The following MANBA variants were observed in gnomAD, a reference collection of about 807,000 sequenced individuals.
MANBA encodes the protein mannosidase beta.
MANBA carries 83 observed loss-of-function variants against 111.1 expected under a neutral mutation model. The observed-to-expected ratio is 0.75, with a 90% CI of 0.63 to 0.90. The LOEUF is 0.90. Among genes scored for constraint, MANBA ranks in the 40% least tolerant of loss-of-function variants. The probability of loss-of-function intolerance (pLI) is 0.00; values close to 1 mark genes in which losing one functional copy is unlikely to be tolerated. For synonymous variants in MANBA, 370 were observed against 378.7 expected, an observed-to-expected ratio of 0.98 and a Z score of 0.27; for missense variants, 1,036 against 1,069.0, an observed-to-expected ratio of 0.97 and a Z score of 0.43.
Position 102,734,922 on chromosome 4 carries a change from T to C in MANBA, c.178-8239A>G, listed in dbSNP as rs113050176. Among the ~76,000 whole-genome samples the C allele has an allele frequency of 1.0e-3, 158 of 152,352 alleles. 2 individuals are homozygous for C. Among genetic ancestry groups the C allele is most frequent in the African/African-American group, 3.5e-3 (145 of 41,586 alleles). ...AGAGTCACATTTTCTTACTTAGTCATGTGTCCAGCCTTGAGTCACCCCCTC... is the reference window on the plus strand; with the variant it reads ...AGAGTCACATTTTCTTACTTAGTCACGTGTCCAGCCTTGAGTCACCCCCTC... On this transcript the variant is annotated intron_variant, in intron 1 of 16. Transcript: ENST00000647097.
chr4:102,669,464 A>G (rs1424746017), intron 9 of MANBA, among the ~76,000 whole-genome samples: 1 of 152,242 alleles, frequency 6.6e-6, no homozygotes, highest in Non-Finnish European at 1.5e-5. Flanking sequence ...TTAGCTTTTC[A>G]TAGACAAAAG....
At chr4:102,751,548 C>A in intron 1 of MANBA, 1 of 534,150 alleles carries the variant, frequency 1.9e-6, no homozygotes, top group South Asian at 1.4e-5. Context: ...GTTCCACAAA[C>A]ATATGGAGTT....
intron 10 of MANBA, chr4:102,665,161 C>CT: frequency 3.6e-6 from 1 of 280,014 alleles, no homozygotes; most frequent in Admixed American, 5.0e-5. Flanking sequence ...ACTCTTCACT[C>CT]TGTGGATTGC....
chr4:102,752,350 T>C (rs1578961739), intron 1 of MANBA: 2 of 1,364,854 alleles, frequency 1.5e-6, no homozygotes, highest in East Asian at 2.3e-5. Context: ...TACCAGACTG[T>C]GGGATCCCCG....
intron 9 of MANBA, among the ~76,000 whole-genome samples, chr4:102,669,581 C>T (rs1346345016): frequency 2.0e-5 from 3 of 152,230 alleles, no homozygotes; most frequent in East Asian, 1.9e-4. Flanking sequence ...CAGTGGCTCA[C>T]GCCTGTAATC....
chr4:102,692,591 A>G (rs938546695), intron 5 of MANBA, among the ~76,000 whole-genome samples: 1 of 152,172 alleles, frequency 6.6e-6, no homozygotes, highest in African/African-American at 2.4e-5. Context: ...ACTGGTCATG[A>G]GATCTCAAAA....
At chr4:102,676,449 T>A (rs1038292532) in intron 7 of MANBA, among the ~76,000 whole-genome samples, 1 of 152,058 alleles carries the variant, frequency 6.6e-6, no homozygotes, top group Non-Finnish European at 1.5e-5. Flanking sequence ...GAGACAGTTG[T>A]ACTGTTGACA....
chr4:102,679,189 G>A (rs536719907), intron 7 of MANBA, among the ~76,000 whole-genome samples: 8 of 152,144 alleles, frequency 5.3e-5, no homozygotes, highest in East Asian at 1.9e-4. Flanking sequence ...ATTCTTTGTC[G>A]TGCCCTTGCA....
chr4:102,747,785 T>C (rs1723641640), intron 1 of MANBA, among the ~76,000 whole-genome samples: 1 of 152,170 alleles, frequency 6.6e-6, no homozygotes, highest in Non-Finnish European at 1.5e-5. Flanking sequence ...GTGAAAAAAG[T>C]TGCAGTTTAA....
chr4:102,658,769 T>C (rs1024676252), intron 11 of MANBA: 4 of 152,238 alleles, frequency 2.6e-5, no homozygotes, highest in African/African-American at 9.6e-5. Context: ...TCTATATCTC[T>C]GAAAGAGGAG....
At chr4:102,734,575 T>C in intron 1 of MANBA, 2 of 1,607,422 alleles carry the variant, frequency 1.2e-6, no homozygotes, top group Non-Finnish European at 1.7e-6. Context: ...GTTCCTTCTG[T>C]GAACAAGAGG....
At chr4:102,752,776 A>C in intron 1 of MANBA, 1 of 339,886 alleles carries the variant, frequency 2.9e-6, no homozygotes. Context: ...ATAACAGCTA[A>C]CATTTAACTA....
chr4:102,639,965 C>A, intron 13 of MANBA, 108 bp from the exon 14 acceptor site: 3 of 1,192,700 alleles, frequency 2.5e-6, no homozygotes, highest in South Asian at 2.5e-5. Flanking sequence ...CTTTTTGGAG[C>A]AATTTGGATA....
intron 13 of MANBA, among the ~76,000 whole-genome samples, chr4:102,640,917 A>G (rs1028750389): frequency 1.6e-4 from 24 of 152,322 alleles, no homozygotes; most frequent in Middle Eastern, 3.4e-3. Context: ...TAAATATTTA[A>G]TAAGAACCTG....
At chr4:102,722,779 T>G in intron 4 of MANBA, 92 bp downstream of exon 4, 1 of 1,329,504 alleles carries the variant, frequency 7.5e-7, no homozygotes, top group Non-Finnish European at 1.1e-6. Flanking sequence ...TCCTAACTTC[T>G]GAAATGCCAT....
intron 1 of MANBA, chr4:102,727,643 T>C (rs1316589267): frequency 6.6e-7 from 1 of 1,507,300 alleles, no homozygotes; most frequent in Non-Finnish European, 9.2e-7. Flanking sequence ...TCCCATTGTG[T>C]TTCACAGTCT....
intron 5 of MANBA, among the ~76,000 whole-genome samples, chr4:102,703,919 C>T (rs1232501679): frequency 2.0e-5 from 3 of 152,056 alleles, no homozygotes; most frequent in African/African-American, 7.2e-5. Flanking sequence ...CACAGTGAAA[C>T]CCCATCTCTA....
chr4:102,700,443 G>T (rs1016353766), intron 5 of MANBA, among the ~76,000 whole-genome samples: 10 of 152,024 alleles, frequency 6.6e-5, no homozygotes, highest in African/African-American at 2.4e-4. Context: ...TCTTTTAATT[G>T]TGATGTTAGG....
At chr4:102,687,628 T>C (rs935021968) in intron 7 of MANBA, among the ~76,000 whole-genome samples, 20 of 152,156 alleles carry the variant, frequency 1.3e-4, no homozygotes, top group Admixed American at 1.3e-3. Flanking sequence ...TACTTATCCC[T>C]CAGGACACAG....
Sources: allele counts gnomAD v4.1 joint callset (sites outside exome capture counted in the v4.1 genomes callset), GRCh38; gene constraint gnomAD v4.1.1; transcripts MANE v1.5; gene names NCBI Gene and HGNC (gene_info 2026-07-23, HGNC 2026-07-21).